SDHA: variants seen among roughly 807,000 people sequenced by gnomAD.
SDHA encodes the protein succinate dehydrogenase [ubiquinone] flavoprotein subunit, mitochondrial.
A neutral mutation model predicts 78.4 loss-of-function variants in SDHA; 48 were observed. That is an observed-to-expected ratio of 0.61 (90% CI 0.49 to 0.78). SDHA has a LOEUF of 0.78. Ranked by LOEUF, SDHA falls within the 30% of genes least tolerant of loss-of-function variation. The probability of loss-of-function intolerance (pLI) is 0.00; values close to 1 mark genes in which losing one functional copy is unlikely to be tolerated. For synonymous variants in SDHA, 326 were observed against 353.9 expected, an observed-to-expected ratio of 0.92 and a Z score of 0.88; for missense variants, 680 against 892.7, an observed-to-expected ratio of 0.76 and a Z score of 3.04.
At chr5:232,387 G>A (rs1219069504) in intron 7 of SDHA, among the ~76,000 whole-genome samples, 1 of 152,070 alleles carries the variant, frequency 6.6e-6, no homozygotes, top group Non-Finnish European at 1.5e-5. Flanking sequence ...ATTTTCGAGG[G>A]TTTTTTCGTT....
intron 6 of SDHA, 71 bp downstream of exon 6, chr5:228,404 A>G (rs1189415965): frequency 6.8e-7 from 1 of 1,478,268 alleles, no homozygotes; most frequent in African/African-American, 1.4e-5. Flanking sequence ...TCTTTATTTT[A>G]ATGAAAATAG....
intron 11 of SDHA, among the ~76,000 whole-genome samples, chr5:245,897 A>T (rs112774789): frequency 3.3e-5 from 5 of 152,152 alleles, no homozygotes; most frequent in Non-Finnish European, 7.3e-5. Flanking sequence ...TACCTATGCC[A>T]TGAGTAATCT....
chr5:245,105 C>G (rs1736365816), intron 11 of SDHA, among the ~76,000 whole-genome samples: 1 of 152,124 alleles, frequency 6.6e-6, no homozygotes, highest in Non-Finnish European at 1.5e-5. Flanking sequence ...AAACTGGAGG[C>G]TTTAGAGGAC....
chr5:228,998 AT>A (rs1247756979), intron 6 of SDHA, among the ~76,000 whole-genome samples: 2 of 152,220 alleles, frequency 1.3e-5, no homozygotes, highest in Non-Finnish European at 2.9e-5. Flanking sequence ...CAAATGGCCA[AT>A]TGATGTATGA....
At chr5:251,767 A>G in intron 13 of SDHA, 2 of 1,346,138 alleles carry the variant, frequency 1.5e-6, no homozygotes, top group East Asian at 3.9e-5. Flanking sequence ...AGACCAGGAA[A>G]TAAATGCCAG....
At chr5:252,537 AAACCTGCCCTGTGGAGGAAATGCCAGTT>A (rs1736909204) in intron 13 of SDHA, among the ~76,000 whole-genome samples, 1 of 149,028 alleles carries the variant, frequency 6.7e-6, no homozygotes, top group Non-Finnish European at 1.5e-5. Flanking sequence ...TCACCGTTTC[AAACCTGCCCTGTGGAGGAAATGCCAGTT>A]TAGTAACGAG....
At chr5:228,468 T>C in intron 6 of SDHA, 135 bp downstream of exon 6, 1 of 996,806 alleles carries the variant, frequency 1.0e-6, no homozygotes, top group African/African-American at 1.6e-5. Flanking sequence ...CATGTGAGGG[T>C]GATGGCCTTT....
rs1390666629 is a variant in SDHA, at chr5:250,810, T to G, written c.1552-182T>G. The G allele has an allele frequency of 6.3e-6, 4 of 634,556 alleles. No homozygotes were observed. In the East Asian group the frequency reaches 8.4e-5, roughly 13 times the overall value. The allele number at this position is 634,556 out of a possible 1,614,324, so 39.3% of individuals were successfully genotyped here. A position where few individuals can be genotyped will look rare whatever the true frequency, so the allele number is the denominator to read the frequency against. ...TAGAAACATTTATTTATTCAGAAGC[T>G]TTAGTCAAAACTTCATTTTTAAGTT... On this transcript the variant is annotated intron_variant, in intron 11 of 14. Coordinates refer to ENST00000264932, the MANE Select transcript of SDHA (RefSeq NM_004168.4).
At chr5:259,186 G>C (rs376434003), downstream of SDHA, among the ~76,000 whole-genome samples, 18 of 45,102 alleles carry the variant, frequency 4.0e-4, no homozygotes, top group African/African-American at 2.3e-3. Flanking sequence ...CCTCCCGTCA[G>C]AGCATTACCG....
At chr5:253,770 TTAGAA>T (rs1737003102) in intron 13 of SDHA, among the ~76,000 whole-genome samples, 1 of 152,096 alleles carries the variant, frequency 6.6e-6, no homozygotes, top group Non-Finnish European at 1.5e-5. Context: ...TCAGTTTTAA[TTAGAA>T]TAGAAGCCAG....
chr5:227,604 C>G (rs555607347), intron 5 of SDHA: 49 of 176,770 alleles, frequency 2.8e-4, no homozygotes, highest in African/African-American at 1.0e-3. Context: ...CTGGCCCAGG[C>G]TTACAAGAGC....
the SDHA span, among the ~76,000 whole-genome samples, chr5:266,746 G>A: frequency 1.3e-5 from 2 of 152,210 alleles, no homozygotes; most frequent in Admixed American, 6.5e-5. Context: ...GCACCGTCCC[G>A]TGCAGTAGAC....
intron 10 of SDHA, among the ~76,000 whole-genome samples, chr5:236,838 G>A (rs550484904): frequency 1.3e-5 from 2 of 151,726 alleles, no homozygotes; most frequent in South Asian, 4.2e-4. Context: ...ATTTTGTAGA[G>A]ACAGGGTCTC....
intron 13 of SDHA, 189 bp downstream of exon 13, chr5:251,657 C>T (rs1284252618): frequency 6.6e-7 from 1 of 1,523,264 alleles, no homozygotes; most frequent in South Asian, 1.2e-5. Flanking sequence ...TGACCTTTTC[C>T]TTGCTTTGGG....
chr5:258,391 T>G (rs1052558870), downstream of SDHA, among the ~76,000 whole-genome samples: 2 of 91,742 alleles, frequency 2.2e-5, no homozygotes, highest in Non-Finnish European at 3.8e-5. Context: ...CTCCGCCCCC[T>G]GCCAGAGCAT....
intron 11 of SDHA, among the ~76,000 whole-genome samples, chr5:247,831 C>A (rs1307566324): frequency 1.3e-5 from 2 of 152,214 alleles, no homozygotes; most frequent in African/African-American, 4.8e-5. Flanking sequence ...GCTCTAGCTA[C>A]ATTTTTCTCT....
intron 10 of SDHA, among the ~76,000 whole-genome samples, chr5:238,182 G>C (rs1735903214): frequency 6.6e-6 from 1 of 152,010 alleles, no homozygotes; most frequent in Non-Finnish European, 1.5e-5. Flanking sequence ...CTGTTGATAC[G>C]ACATTCTGGA....
At chr5:248,493 T>C (rs1046482667) in intron 11 of SDHA, among the ~76,000 whole-genome samples, 82 of 152,302 alleles carry the variant, frequency 5.4e-4, no homozygotes, top group African/African-American at 1.8e-3. Context: ...ATTATACTTA[T>C]TGGGCATATT....
chr5:225,959 T>C lies in SDHA; in HGVS notation c.533T>C (p.Leu178Pro), dbSNP rs777770952. The stretch of plus-strand genomic sequence containing the variant: ...CAGCGTGCATTTGGTGGACAGAGCC[T>C]CAAGTTTGGAAAGGGCGGGCAGGCC... ...IYQRAFGGQS[L>P]KFGKGGQAHR... The change falls in exon 5 of 15, where the codon CTC becomes CCC. Residue 178 changes from leucine to proline, a missense_variant. Coordinates refer to ENST00000264932, the MANE Select transcript of SDHA (RefSeq NM_004168.4). 1 of 1,614,088 alleles carries C rather than the reference T, an allele frequency of 6.2e-7. No individual in the cohort carries two copies. The highest frequency in any genetic ancestry group is 1.1e-5 in the South Asian group (1 of 91,072).
Sources: gnomAD v4.1 joint callset for allele counts (sites outside exome capture counted in the v4.1 genomes callset) on GRCh38, gnomAD v4.1.1 for gene constraint, MANE v1.5 for transcripts, NCBI Gene and HGNC (gene_info 2026-07-23, HGNC 2026-07-21) for gene names.